CDH8: variants seen among roughly 807,000 people sequenced by gnomAD.
CDH8 encodes cadherin 8.
In CDH8, 17 loss-of-function variants were observed where a neutral mutation model predicts 68.1. The ratio of observed to expected loss-of-function variants is 0.25; its 90% confidence interval spans 0.17 to 0.37. The LOEUF is 0.37. Ranked by LOEUF, CDH8 falls within the 10% of genes least tolerant of loss-of-function variation. The pLI is 1.00. For missense variants in CDH8, 763 were observed against 999.3 expected (o/e 0.76, Z 3.19); for synonymous variants, 372 against 365.1 (o/e 1.02, Z -0.21).
chr16:61,816,866 A>T (rs1962087535), intron 7 of CDH8, among the ~76,000 whole-genome samples: 1 of 152,174 alleles, frequency 6.6e-6, no homozygotes, highest in African/African-American at 2.4e-5. Context: ...CAGAAAAACT[A>T]TAAACAGAGG....
At chr16:61,977,436 G>A (rs977180810) in intron 2 of CDH8, among the ~76,000 whole-genome samples, 1 of 152,068 alleles carries the variant, frequency 6.6e-6, no homozygotes, top group African/African-American at 2.4e-5. Context: ...AAAGAGAAAC[G>A]ATTTCTCCCC....
rs541270792 is a variant in CDH8, at chr16:61,801,475, A to C, written c.1278-11993T>G. 6.2e-4 allele frequency among the ~76,000 whole-genome samples: 94 copies of C among 152,336 alleles called. 1 individual carries two copies. Among genetic ancestry groups the C allele is most frequent in the African/African-American group, 2.1e-3 (87 of 41,582 alleles). On this transcript the variant is annotated intron_variant, in intron 7 of 11. Coordinates refer to ENST00000577390, the MANE Select transcript of CDH8 (RefSeq NM_001796.5). ...AAAATTGGAGGAGCCAAGATGGCCG[A>C]ATAGGAACAGCTCCGGTCTACAGCT...
chr16:62,023,576 A>T (rs1461566577), intron 1 of CDH8, among the ~76,000 whole-genome samples: 1 of 152,236 alleles, frequency 6.6e-6, no homozygotes, highest in Non-Finnish European at 1.5e-5. Context: ...TGGTGATGAC[A>T]GGATTCCTGC....
rs188441963 is a variant in CDH8, at chr16:61,815,096, G to A, written c.1277+2383C>T. Among the ~76,000 whole-genome samples the A allele has an allele frequency of 2.6e-5, 4 of 152,256 alleles. No individual in the cohort carries two copies. In the East Asian group the frequency reaches 7.7e-4, roughly 29 times the overall value. ...CATAGATGCTGAAGAACTAGCACTT[G>A]CCTGACATCTATCAGAAGCACAGAT... On this transcript the variant is annotated intron_variant, in intron 7 of 11. Coordinates refer to ENST00000577390, the MANE Select transcript of CDH8 (RefSeq NM_001796.5).
intron 10 of CDH8, among the ~76,000 whole-genome samples, chr16:61,670,610 A>C (rs1333023700): frequency 6.6e-6 from 1 of 152,060 alleles, no homozygotes; most frequent in Non-Finnish European, 1.5e-5. Context: ...CCATAAATAC[A>C]TAGAATTATT....
chr16:61,883,250 C>T (rs1161709804), intron 3 of CDH8, among the ~76,000 whole-genome samples: 1 of 152,140 alleles, frequency 6.6e-6, no homozygotes, highest in African/African-American at 2.4e-5. Flanking sequence ...TCTAGGTATG[C>T]AAGCAATCAA....
At chr16:62,006,725 G>A (rs936198789) in intron 2 of CDH8, among the ~76,000 whole-genome samples, 2 of 152,090 alleles carry the variant, frequency 1.3e-5, no homozygotes, top group Middle Eastern at 3.2e-3. Context: ...AAATGCATTT[G>A]CTCAAATATA....
intron 3 of CDH8, among the ~76,000 whole-genome samples, chr16:61,899,907 A>G (rs977686349): frequency 1.3e-4 from 19 of 151,694 alleles, no homozygotes; most frequent in African/African-American, 4.6e-4. Context: ...TATCAGGACC[A>G]CATTTGGGAG....
At chr16:61,684,658 T>G (rs1964074500) in intron 10 of CDH8, among the ~76,000 whole-genome samples, 1 of 151,990 alleles carries the variant, frequency 6.6e-6, no homozygotes, top group Non-Finnish European at 1.5e-5. Flanking sequence ...AGAATCATTT[T>G]TTGGCCGTCC....
intron 8 of CDH8, among the ~76,000 whole-genome samples, chr16:61,789,026 G>A (rs976304190): frequency 1.3e-5 from 2 of 151,046 alleles, no homozygotes; most frequent in African/African-American, 4.9e-5. Flanking sequence ...AAATTATAGT[G>A]TACAGTTCTT....
At chr16:61,752,529 A>G (rs181016928) in intron 8 of CDH8, among the ~76,000 whole-genome samples, 8 of 152,174 alleles carry the variant, frequency 5.3e-5, no homozygotes, top group Admixed American at 5.2e-4. Context: ...TTCTTGTAGG[A>G]TATTTTATTT....
chr16:61,725,368 G>T (rs1283782898), intron 9 of CDH8: 1 of 150,818 alleles, frequency 6.6e-6, no homozygotes, highest in Non-Finnish European at 1.5e-5. Context: ...TGTCAATAAC[G>T]CAAGTGAAGC....
intron 7 of CDH8, among the ~76,000 whole-genome samples, chr16:61,793,508 G>C (rs1961429016): frequency 6.6e-6 from 1 of 151,882 alleles, no homozygotes; most frequent in Non-Finnish European, 1.5e-5. Context: ...GTGGTATTTG[G>C]ATTTATGTTC....
At chr16:61,930,276 C>CAA (rs998449121) in intron 2 of CDH8, among the ~76,000 whole-genome samples, 1 of 151,140 alleles carries the variant, frequency 6.6e-6, no homozygotes, top group African/African-American at 2.4e-5. Flanking sequence ...AGAAAACACA[C>CAA]ACACACACAC....
intron 8 of CDH8, among the ~76,000 whole-genome samples, chr16:61,787,402 T>C (rs9708416): frequency 0.35 from 42,917 of 121,174 alleles, 8,330 homozygotes; most frequent in African/African-American, 0.5. Flanking sequence ...TACCATCTCA[T>C]ACCAGTTAGA....
At chr16:61,988,584 C>A (rs1567558196) in intron 2 of CDH8, among the ~76,000 whole-genome samples, 1 of 148,392 alleles carries the variant, frequency 6.7e-6, no homozygotes, top group African/African-American at 2.6e-5. Context: ...CAGCAACAAA[C>A]AAAAACAAAC....
Position 61,736,110 on chromosome 16 carries a change from A to AG in CDH8, c.1415-8896dup, listed in dbSNP as rs1277939769. On this transcript the variant is annotated intron_variant, in intron 8 of 11. Coordinates refer to ENST00000577390, the MANE Select transcript of CDH8 (RefSeq NM_001796.5). ...AAACAAGAAAGAAGGAAAGAAAGAA[A>AG]GAAAGGAAGGAAGGAAGGAAGGAAG... Among the ~76,000 whole-genome samples the AG allele has an allele frequency of 5.8e-3, 747 of 129,744 alleles. 3 individuals are homozygous for AG. The highest frequency in any genetic ancestry group is 0.016 in the African/African-American group (569 of 36,500). The allele number at this position is 129,744 out of a possible 152,430, so 85.1% of individuals were successfully genotyped here.
intron 10 of CDH8, among the ~76,000 whole-genome samples, chr16:61,687,013 C>G (rs1418934167): frequency 6.6e-6 from 1 of 151,862 alleles, no homozygotes; most frequent in African/African-American, 2.4e-5. Flanking sequence ...CTTAATCATA[C>G]AACTGTATGC....
At chr16:61,704,166 C>A (rs1340638526) in intron 10 of CDH8, among the ~76,000 whole-genome samples, 2 of 152,160 alleles carry the variant, frequency 1.3e-5, no homozygotes, top group Non-Finnish European at 2.9e-5. Flanking sequence ...CTTTGACACG[C>A]ACATAGCGAT....
Sources: allele counts gnomAD v4.1 joint callset (sites outside exome capture counted in the v4.1 genomes callset), GRCh38; gene constraint gnomAD v4.1.1; transcripts MANE v1.5; gene names NCBI Gene and HGNC (gene_info 2026-07-23, HGNC 2026-07-21).